The following SIL1 variants were observed in gnomAD, a reference collection of about 807,000 sequenced individuals.
SIL1 encodes the protein nucleotide exchange factor SIL1.
In SIL1, 40 loss-of-function variants were observed where a neutral mutation model predicts 49.1. The ratio of observed to expected loss-of-function variants is 0.81; its 90% CI spans 0.63 to 1.06. SIL1 has a LOEUF of 1.06. SIL1 is among the 50% of genes least tolerant of loss of function. The pLI is 0.00. For missense variants in SIL1, 500 were observed against 572.6 expected, an observed-to-expected ratio of 0.87 and a Z score of 1.29; for synonymous variants, 253 against 250.8, an observed-to-expected ratio of 1.01 and a Z score of -0.08.
chr5:139,178,632 T>G (rs1042444222), intron 1 of SIL1, among the ~76,000 whole-genome samples: 1 of 152,098 alleles, frequency 6.6e-6, no homozygotes, highest in African/African-American at 2.4e-5. Flanking sequence ...AATACTTGTT[T>G]GGTCTTCACA....
chr5:138,974,351 C>A (rs1024750229), intron 7 of SIL1, among the ~76,000 whole-genome samples: 1 of 152,240 alleles, frequency 6.6e-6, no homozygotes, highest in African/African-American at 2.4e-5. Flanking sequence ...CTGTCCTCCC[C>A]CTTTGGGCCT....
chr5:139,062,456 G>C (rs1434182641), intron 3 of SIL1, among the ~76,000 whole-genome samples: 3 of 152,106 alleles, frequency 2.0e-5, no homozygotes, highest in Non-Finnish European at 4.4e-5. Context: ...TCCCCAAGCT[G>C]CATGAAAGCC....
In SIL1 at chr5:138,947,467, CG is replaced by C; in HGVS notation, c.1035del (p.Phe345LeufsTer8). On this transcript the variant is annotated frameshift_variant, in exon 10 of 10. Transcript: ENST00000394817. LOFTEE classifies it high-confidence loss of function. This position sits in a 1 kb window ranked among gnomAD's most constrained non-coding sequence, Gnocchi z 4.1. ...TGGGTCAGCTCAGCCTCCTCCTCGG[CG>C]AACATCTGCCATCCGCCACAGCCGC... The part of the protein sequence containing the change: ...LLYDLVTEKM[F>X]AEEEAELTQE... 2.5e-6 allele frequency: 4 copies of C among 1,613,288 alleles called. No individual in the cohort carries two copies. Among genetic ancestry groups the C allele is most frequent in the Non-Finnish European group, 3.4e-6 (4 of 1,179,960 alleles).
intron 3 of SIL1, among the ~76,000 whole-genome samples, chr5:139,074,927 C>T (rs1222606140): frequency 1.3e-5 from 2 of 152,066 alleles, no homozygotes; most frequent in Non-Finnish European, 2.9e-5. Flanking sequence ...CGGATTCAAG[C>T]GATTCTCCTG....
intron 7 of SIL1, among the ~76,000 whole-genome samples, chr5:138,981,975 C>T (rs1767538138): frequency 6.6e-6 from 1 of 152,198 alleles, no homozygotes; most frequent in African/African-American, 2.4e-5. Context: ...ACTTAACCTC[C>T]CCAAGCCTCA....
At chr5:138,999,357 T>C (rs911099839) in intron 7 of SIL1, among the ~76,000 whole-genome samples, 7 of 152,320 alleles carry the variant, frequency 4.6e-5, no homozygotes, top group African/African-American at 1.7e-4. Flanking sequence ...ACTGTTGGCA[T>C]ATAGAAATGC....
chr5:138,973,201 TAAAAAAAAAAAAA>T (rs5871690), intron 7 of SIL1, among the ~76,000 whole-genome samples: 6 of 105,374 alleles, frequency 5.7e-5, no homozygotes, highest in South Asian at 3.3e-4. Context: ...TTGAAGTATT[TAAAAAAAAAAAAA>T]AAAAAAAAAG....
intron 1 of SIL1, among the ~76,000 whole-genome samples, chr5:139,129,962 A>G (rs1750827615): frequency 6.6e-6 from 1 of 152,226 alleles, no homozygotes; most frequent in Non-Finnish European, 1.5e-5. Context: ...AATATTTGTA[A>G]ATCACATCTC....
intron 3 of SIL1, among the ~76,000 whole-genome samples, chr5:139,089,679 T>C (rs1390336822): frequency 6.6e-6 from 1 of 152,192 alleles, no homozygotes; most frequent in African/African-American, 2.4e-5. Context: ...AAAATTATTA[T>C]GCTCAGTGAA....
chr5:138,950,120 T>C (rs1766734001), intron 9 of SIL1, among the ~76,000 whole-genome samples: 1 of 152,174 alleles, frequency 6.6e-6, no homozygotes, highest in Non-Finnish European at 1.5e-5. Context: ...GTGCCCAGGA[T>C]GCCAGGGCTG....
intron 3 of SIL1, among the ~76,000 whole-genome samples, chr5:139,055,605 T>A (rs1769388116): frequency 1.0e-5 from 1 of 96,232 alleles, no homozygotes; most frequent in African/African-American, 5.4e-5. Flanking sequence ...CCTCTCCCTC[T>A]CCCTCTCCCT....
intron 7 of SIL1, among the ~76,000 whole-genome samples, chr5:138,961,744 C>T (rs1415926891): frequency 2.0e-5 from 3 of 151,948 alleles, no homozygotes; most frequent in Admixed American, 2.0e-4. Flanking sequence ...CTCCCTGTTC[C>T]CTGCAGTAAT....
In SIL1 at chr5:139,054,455, A is replaced by G. The variant is rs1402223736; in HGVS notation, c.245-3409T>C. On this transcript the variant is annotated intron_variant, in intron 3 of 9. Transcript: ENST00000394817. ...TATTTGTTAAGTGAAAATGTTTAAA[A>G]GAAAGAGGGAATTCCTAGCTGATCT... 2.0e-5 allele frequency among the ~76,000 whole-genome samples: 3 copies of G among 152,276 alleles called. No individual in the cohort carries two copies. The East Asian group carries it at 5.8e-4, about 29-fold the overall frequency.
chr5:139,053,504 C>T (rs1238622506), intron 3 of SIL1, among the ~76,000 whole-genome samples: 1 of 152,186 alleles, frequency 6.6e-6, no homozygotes, highest in Non-Finnish European at 1.5e-5. Flanking sequence ...TGTCATTCTC[C>T]TGCTTCAAAC....
chr5:139,192,781 T>C (rs1752196994), intron 1 of SIL1, among the ~76,000 whole-genome samples: 1 of 151,640 alleles, frequency 6.6e-6, no homozygotes, highest in African/African-American at 2.4e-5. Flanking sequence ...GAGAAATGCT[T>C]GAGCCCAGAA....
chr5:139,047,816 A>AAT (rs1769199369), intron 4 of SIL1, among the ~76,000 whole-genome samples: 1 of 152,262 alleles, frequency 6.6e-6, no homozygotes, highest in South Asian at 2.1e-4. Context: ...TAGGTTTGCC[A>AAT]TTAGCTATAA....
chr5:139,170,888 C>A (rs1176928631), intron 1 of SIL1, among the ~76,000 whole-genome samples: 1 of 150,362 alleles, frequency 6.7e-6, no homozygotes, highest in Non-Finnish European at 1.5e-5. Context: ...TCTGCCCAGC[C>A]GCCCCTACTG....
intron 7 of SIL1, among the ~76,000 whole-genome samples, chr5:138,983,273 C>A (rs1767571969): frequency 6.7e-6 from 1 of 149,352 alleles, no homozygotes; most frequent in Non-Finnish European, 1.5e-5. Flanking sequence ...CTTTGGGAGG[C>A]CGAGGAGGGC....
At chr5:138,978,969 T>C (rs1767452101) in intron 7 of SIL1, among the ~76,000 whole-genome samples, 1 of 152,206 alleles carries the variant, frequency 6.6e-6, no homozygotes, top group Non-Finnish European at 1.5e-5. Flanking sequence ...CCTTACCAGA[T>C]ATATGACTTG....
Sources: gnomAD v4.1 joint callset for allele counts (sites outside exome capture counted in the v4.1 genomes callset) on GRCh38, gnomAD v4.1.1 for gene constraint, Gnocchi (gnomAD v3.1) non-coding constraint, MANE v1.5 for transcripts, NCBI Gene and HGNC (gene_info 2026-07-23, HGNC 2026-07-21) for gene names.